The following USP45 variants were observed in gnomAD, a reference collection of about 807,000 sequenced individuals.
USP45 encodes ubiquitin carboxyl-terminal hydrolase 45.
Under a neutral mutation model 95.8 loss-of-function variants are expected in USP45, and 89 were observed. The ratio of observed to expected loss-of-function variants is 0.93; its 90% CI spans 0.78 to 1.11. The LOEUF is 1.11. Among genes scored for constraint, USP45 ranks in the 50% least tolerant of loss-of-function variants. The pLI is 0.00. For missense variants in USP45, 898 were observed against 942.5 expected, an observed-to-expected ratio of 0.95 and a Z score of 0.62; for synonymous variants, 281 against 316.2, an observed-to-expected ratio of 0.89 and a Z score of 1.18.
chr6:99,436,494 T>G (rs955681815), intron 17 of USP45, among the ~76,000 whole-genome samples: 4 of 152,040 alleles, frequency 2.6e-5, no homozygotes, highest in African/African-American at 9.7e-5. Context: ...AGGCAGAGGT[T>G]GCAGTGAGCC....
chr6:99,490,951 AAT>A (rs761618188), intron 5 of USP45, among the ~76,000 whole-genome samples: 25 of 151,942 alleles, frequency 1.6e-4, no homozygotes, highest in Non-Finnish European at 2.4e-4. Context: ...CCTGTGCTAC[AAT>A]AGTTTTTATA....
At chr6:99,457,648 C>T (rs1369635956) in intron 13 of USP45, among the ~76,000 whole-genome samples, 5 of 152,118 alleles carry the variant, frequency 3.3e-5, no homozygotes, top group Non-Finnish European at 5.9e-5. Context: ...GATCATATAA[C>T]TAATAAAAAT....
intron 8 of USP45, among the ~76,000 whole-genome samples, chr6:99,480,724 T>C (rs1382923413): frequency 6.6e-6 from 1 of 151,898 alleles, no homozygotes; most frequent in East Asian, 1.9e-4. Flanking sequence ...TGAGAACTTA[T>C]GCTACTCAAT....
chr6:99,472,266 A>G (rs1789608246), intron 9 of USP45, among the ~76,000 whole-genome samples: 1 of 146,366 alleles, frequency 6.8e-6, no homozygotes, highest in African/African-American at 2.5e-5. Flanking sequence ...CACCCAGTCT[A>G]GAGTGCAGTG....
intron 13 of USP45, among the ~76,000 whole-genome samples, chr6:99,449,611 T>C (rs908940572): frequency 2.0e-5 from 3 of 150,336 alleles, no homozygotes; most frequent in Admixed American, 6.8e-5. Context: ...ACTGTCAACA[T>C]TAGACAGATC....
chr6:99,487,633 C>CAAAAAAAAAAAAAA (rs11335830), intron 7 of USP45, among the ~76,000 whole-genome samples: 2 of 106,390 alleles, frequency 1.9e-5, no homozygotes, highest in African/African-American at 3.6e-5. Flanking sequence ...ACTAAAAATA[C>CAAAAAAAAAAAAAA]AAAAAAAAAA....
At chr6:99,439,471 G>T (rs1263650136) in intron 16 of USP45, among the ~76,000 whole-genome samples, 1 of 152,114 alleles carries the variant, frequency 6.6e-6, no homozygotes, top group Non-Finnish European at 1.5e-5. Context: ...AACAATCGAG[G>T]ACACAAAACC....
chr6:99,497,680 T>C lies in USP45; in HGVS notation c.478+6085A>G, dbSNP rs149355129. On this transcript the variant is annotated intron_variant, in intron 5 of 17. Transcript: ENST00000500704. ...ACAAGTCAAACTGAGATCTACAAAA[T>C]CACTGATCAGCCACTTCTCTGCTTA... is the stretch of plus-strand genomic sequence containing the variant. Among the ~76,000 whole-genome samples the C allele has an allele frequency of 2.2e-3, 342 of 152,282 alleles. 4 individuals are homozygous for C. Among genetic ancestry groups the C allele is most frequent in the African/African-American group, 7.9e-3 (327 of 41,558 alleles).
intron 4 of USP45, 40 bp downstream of exon 4, chr6:99,507,388 T>G (rs374327310): frequency 2.6e-5 from 33 of 1,247,116 alleles, no homozygotes; most frequent in Non-Finnish European, 3.5e-5. Flanking sequence ...ATTGGGGGGC[T>G]GTGGTTAGTG....
intron 1 of USP45, 35 bp from the exon 2 acceptor site, chr6:99,510,265 T>C (rs1799497318): frequency 6.8e-7 from 1 of 1,476,058 alleles, no homozygotes; most frequent in Non-Finnish European, 9.3e-7. Flanking sequence ...TCATACATTT[T>C]AGTCTTCAAA....
chr6:99,491,585 T>C (rs1795187281), intron 5 of USP45, among the ~76,000 whole-genome samples: 1 of 152,202 alleles, frequency 6.6e-6, no homozygotes, highest in Non-Finnish European at 1.5e-5. Context: ...TTAAGTGATA[T>C]GCCCAAGGTC....
chr6:99,463,727 G>A (rs764113413), intron 13 of USP45, among the ~76,000 whole-genome samples: 7 of 145,404 alleles, frequency 4.8e-5, no homozygotes, highest in Admixed American at 7.2e-5. Flanking sequence ...CAGGAGAATC[G>A]CTTGAACCCA....
intron 13 of USP45, among the ~76,000 whole-genome samples, chr6:99,449,714 A>T (rs1413844940): frequency 2.6e-5 from 4 of 152,208 alleles, no homozygotes; most frequent in African/African-American, 9.7e-5. Flanking sequence ...CTCCACCCCA[A>T]ATCAACAGAA....
At position 99,439,851 on chromosome 6, in the gene USP45, C is replaced by G; in HGVS notation, c.2078G>C (p.Gly693Ala). 6.2e-7 allele frequency: 1 copy of G among 1,602,924 alleles called. No individual in the cohort carries two copies. Among genetic ancestry groups the G allele is most frequent in the Non-Finnish European group, 8.5e-7 (1 of 1,174,884 alleles). The change falls in exon 16 of 18, where the codon GGC becomes GCC. Residue 693 changes from glycine to alanine, a missense_variant. Physicochemically the swap from Gly to Ala is moderately conservative, Grantham distance 60 (BLOSUM62 0). Transcript: ENST00000500704. ...TCTGTTTACTTTACGAAGACTCAAGCCAGCCTTAAAAAGACCAAAACATTT... is the reference window on the plus strand; with the variant it reads ...TCTGTTTACTTTACGAAGACTCAAGGCAGCCTTAAAAAGACCAAAACATTT... ...ILHLKRFHQAGLSLRKVNRHV... is the reference protein window; with the variant it reads ...ILHLKRFHQAALSLRKVNRHV...
chr6:99,493,261 G>T (rs1443298943), intron 5 of USP45, among the ~76,000 whole-genome samples: 1 of 151,942 alleles, frequency 6.6e-6, no homozygotes, highest in East Asian at 1.9e-4. Flanking sequence ...CCTGACTTCA[G>T]GTGATCCACC....
intron 5 of USP45, among the ~76,000 whole-genome samples, chr6:99,496,718 T>G (rs1311001852): frequency 6.6e-6 from 1 of 152,086 alleles, no homozygotes; most frequent in Admixed American, 6.6e-5. Context: ...ACTATTAAAG[T>G]GAGAAATCTC....
chr6:99,502,735 G>A (rs1490238067), intron 5 of USP45, among the ~76,000 whole-genome samples: 4 of 152,206 alleles, frequency 2.6e-5, no homozygotes, highest in Non-Finnish European at 2.9e-5. Flanking sequence ...GGCTTCTCAC[G>A]AATGGTTTAG....
intron 5 of USP45, 132 bp from the exon 6 acceptor site, chr6:99,488,952 G>T: frequency 1.5e-6 from 1 of 660,398 alleles, no homozygotes; most frequent in Non-Finnish European, 2.2e-6. Context: ...TGAAGGGGAA[G>T]AATATAAACA....
intron 4 of USP45, among the ~76,000 whole-genome samples, chr6:99,506,536 T>A: frequency 6.6e-6 from 1 of 152,164 alleles, no homozygotes; most frequent in Admixed American, 6.5e-5. Context: ...CTCAAACTGC[T>A]GACCTCAAGT....
Sources: gnomAD v4.1 joint callset for allele counts (sites outside exome capture counted in the v4.1 genomes callset) on GRCh38, gnomAD v4.1.1 for gene constraint, MANE v1.5 for transcripts, NCBI Gene and HGNC (gene_info 2026-07-23, HGNC 2026-07-21) for gene names.